Variants in TAFA2 observed in about 807,000 individuals in gnomAD.
TAFA2 encodes TAFA chemokine like family member 2.
In TAFA2, 7 loss-of-function variants were observed where a neutral mutation model predicts 18.8. That is an observed-to-expected ratio of 0.37 (90% CI 0.21 to 0.70). The LOEUF (loss-of-function observed/expected upper bound fraction) is 0.70, where lower values mean the gene tolerates loss of function less well. Ranked by LOEUF, TAFA2 falls within the 30% of genes least tolerant of loss-of-function variation. The pLI is 0.53. For missense variants in TAFA2, 122 were observed against 158.1 expected, an observed-to-expected ratio of 0.77 and a Z score of 1.23; for synonymous variants, 60 against 54.2, an observed-to-expected ratio of 1.11 and a Z score of -0.47.
At chr12:62,038,297 T>C (rs1030542384) in intron 1 of TAFA2, among the ~76,000 whole-genome samples, 2 of 152,220 alleles carry the variant, frequency 1.3e-5, no homozygotes, top group African/African-American at 2.4e-5. Flanking sequence ...TTGACTATAA[T>C]AACTATTTCA....
At chr12:61,928,429 T>C (rs913072372) in intron 1 of TAFA2, among the ~76,000 whole-genome samples, 1 of 152,162 alleles carries the variant, frequency 6.6e-6, no homozygotes, top group Admixed American at 6.5e-5. Flanking sequence ...TCATCATCAG[T>C]GGTCATTAGA....
intron 2 of TAFA2, among the ~76,000 whole-genome samples, chr12:61,804,147 T>C (rs936923891): frequency 4.6e-5 from 7 of 151,962 alleles, no homozygotes; most frequent in Non-Finnish European, 1.0e-4. Context: ...CAGTTCACAG[T>C]TCTCATTCAA....
chr12:62,114,177 A>G (rs1168335389), intron 1 of TAFA2, among the ~76,000 whole-genome samples: 1 of 152,200 alleles, frequency 6.6e-6, no homozygotes, highest in Non-Finnish European at 1.5e-5. Flanking sequence ...GGAAAAGCGT[A>G]GTATCTGGGC....
chr12:61,962,201 T>A (rs1438317044), intron 1 of TAFA2, among the ~76,000 whole-genome samples: 2 of 151,984 alleles, frequency 1.3e-5, no homozygotes, highest in Non-Finnish European at 2.9e-5. Flanking sequence ...TTAACCTAAA[T>A]CCCTGAAAAG....
chr12:61,817,321 C>T (rs1411138576), intron 2 of TAFA2, among the ~76,000 whole-genome samples: 1 of 151,910 alleles, frequency 6.6e-6, no homozygotes, highest in African/African-American at 2.4e-5. Context: ...GTGACAAGGC[C>T]TAGTCTGTCA....
intron 1 of TAFA2, among the ~76,000 whole-genome samples, chr12:62,142,615 G>T (rs947511275): frequency 1.3e-5 from 2 of 152,156 alleles, no homozygotes; most frequent in South Asian, 2.1e-4. Flanking sequence ...GAGAGTAGGA[G>T]AAAAGTTCTA....
At chr12:61,949,997 A>G (rs564338493) in intron 1 of TAFA2, among the ~76,000 whole-genome samples, 1 of 152,284 alleles carries the variant, frequency 6.6e-6, no homozygotes, top group Non-Finnish European at 1.5e-5. Flanking sequence ...TGGATACTTC[A>G]TATAAGTGGA....
chr12:62,186,170 C>G (rs185687633), intron 1 of TAFA2, among the ~76,000 whole-genome samples: 31 of 152,218 alleles, frequency 2.0e-4, no homozygotes, highest in African/African-American at 7.5e-4. Context: ...TTAAACTCAA[C>G]AGAAAGTTCC....
At chr12:61,868,958 G>A (rs1874474174) in intron 1 of TAFA2, among the ~76,000 whole-genome samples, 1 of 152,112 alleles carries the variant, frequency 6.6e-6, no homozygotes. Context: ...GTCTTCTACT[G>A]TAGCATAGGA....
chr12:62,010,852 G>A (rs1353880184), intron 1 of TAFA2, among the ~76,000 whole-genome samples: 1 of 137,448 alleles, frequency 7.3e-6, no homozygotes, highest in African/African-American at 2.7e-5. Flanking sequence ...CGTCTGGGAG[G>A]TGGGGAGCGC....
intron 1 of TAFA2, among the ~76,000 whole-genome samples, chr12:61,893,737 T>C (rs987389172): frequency 6.6e-6 from 1 of 152,208 alleles, no homozygotes; most frequent in Non-Finnish European, 1.5e-5. Flanking sequence ...ATGTTTTAGT[T>C]TGTGCAAAAT....
At chr12:61,841,755 A>G (rs1387489484) in intron 2 of TAFA2, among the ~76,000 whole-genome samples, 2 of 152,224 alleles carry the variant, frequency 1.3e-5, no homozygotes, top group East Asian at 1.9e-4. Flanking sequence ...TAATGTTCTC[A>G]TCGCAACAAA....
chr12:61,942,298 T>C (rs1311614292), intron 1 of TAFA2, among the ~76,000 whole-genome samples: 2 of 146,216 alleles, frequency 1.4e-5, no homozygotes, highest in Admixed American at 1.4e-4. Context: ...CGAAAACCCA[T>C]CTGTACATCA....
intron 4 of TAFA2, among the ~76,000 whole-genome samples, chr12:61,726,888 T>C (rs1428899180): frequency 6.6e-6 from 1 of 152,130 alleles, no homozygotes; most frequent in Admixed American, 6.6e-5. Context: ...TTTTATTATC[T>C]TAAGGTATGT....
At chr12:61,798,263 A>G (rs920780606) in intron 2 of TAFA2, among the ~76,000 whole-genome samples, 10 of 151,948 alleles carry the variant, frequency 6.6e-5, no homozygotes, top group Non-Finnish European at 1.3e-4. Flanking sequence ...TCTCTTAACT[A>G]TTTGGTCTTT....
rs367575880 is a variant in TAFA2 at position 61,875,200 on chromosome 12, GC to G, written c.-1-7775del. Among the ~76,000 whole-genome samples, 23 of 152,138 alleles carry G rather than the reference GC, an allele frequency of 1.5e-4. 1 individual carries two copies. The South Asian group carries it at 4.4e-3, about 29-fold the overall frequency. ...AAAGGTATGTCTTTCATTCTCACGT[GC>G]CCTGTTGAGGCATTTTACTCTTTTC... On this transcript the variant is annotated intron_variant, in intron 1 of 4. Coordinates refer to ENST00000416284, the MANE Select transcript of TAFA2 (RefSeq NM_178539.5).
chr12:61,720,991 G>T, intron 4 of TAFA2: 1 of 504,250 alleles, frequency 2.0e-6, no homozygotes, highest in Non-Finnish European at 4.0e-6. Context: ...AAACCTGGGA[G>T]AAAGGGGACA....
intron 1 of TAFA2, among the ~76,000 whole-genome samples, chr12:61,991,265 T>A (rs890422464): frequency 6.6e-6 from 1 of 152,210 alleles, no homozygotes; most frequent in Non-Finnish European, 1.5e-5. Context: ...ATAAAGTAAG[T>A]GTTATACGGT....
At chr12:61,746,950 A>G (rs1868741308) in intron 4 of TAFA2, among the ~76,000 whole-genome samples, 1 of 152,094 alleles carries the variant, frequency 6.6e-6, no homozygotes, top group Non-Finnish European at 1.5e-5. Context: ...ATGGGAGAAA[A>G]TTTTCACCAC....
Sources: allele counts gnomAD v4.1 joint callset (sites outside exome capture counted in the v4.1 genomes callset), GRCh38; gene constraint gnomAD v4.1.1; transcripts MANE v1.5; gene names NCBI Gene and HGNC (gene_info 2026-07-23, HGNC 2026-07-21).